The following PRELID2 variants were observed in gnomAD, a reference collection of about 807,000 sequenced individuals.
PRELID2 encodes the protein PRELI domain containing 2.
PRELID2 carries 25 observed loss-of-function variants against 28.4 expected under a neutral mutation model. The ratio of observed to expected loss-of-function variants is 0.88; its 90% CI spans 0.64 to 1.23. The LOEUF (loss-of-function observed/expected upper bound fraction) is 1.23, where lower values mean the gene tolerates loss of function less well. PRELID2 is among the 50% of genes most tolerant of loss of function. The pLI, the probability that PRELID2 is intolerant of heterozygous loss-of-function variation, is 0.00. For synonymous variants in PRELID2, 76 were observed against 71.6 expected, an observed-to-expected ratio of 1.06 and a Z score of -0.31; for missense variants, 201 against 214.4, an observed-to-expected ratio of 0.94 and a Z score of 0.39.
At chr5:145,337,394 A>G in the PRELID2 span, among the ~76,000 whole-genome samples, 1 of 151,706 alleles carries the variant, frequency 6.6e-6, no homozygotes, top group African/African-American at 2.4e-5. Context: ...GTGTCCTGTA[A>G]TAATTCAGTT....
chr5:145,403,934 C>A, the PRELID2 span, among the ~76,000 whole-genome samples: 3 of 152,198 alleles, frequency 2.0e-5, no homozygotes, highest in Non-Finnish European at 2.9e-5. Flanking sequence ...GATCTAGATC[C>A]TTTTTATTAG....
chr5:145,619,442 G>C (rs1753744555), intron 1 of PRELID2, among the ~76,000 whole-genome samples: 1 of 152,206 alleles, frequency 6.6e-6, no homozygotes, highest in South Asian at 2.1e-4. Flanking sequence ...GCTAAGGTCA[G>C]AATCTTCTCC....
chr5:145,347,222 T>C, the PRELID2 span, among the ~76,000 whole-genome samples: 4 of 152,170 alleles, frequency 2.6e-5, no homozygotes, highest in Non-Finnish European at 5.9e-5. Flanking sequence ...GCTAGATCTG[T>C]GTCTATGGCC....
the PRELID2 span, among the ~76,000 whole-genome samples, chr5:145,347,362 G>A: frequency 0.016 from 2,389 of 152,248 alleles, 34 homozygotes; most frequent in Non-Finnish European, 0.025. Flanking sequence ...GCCTCAAGGG[G>A]AATGCATCTT....
the PRELID2 span, among the ~76,000 whole-genome samples, chr5:145,365,155 G>A: frequency 3.3e-5 from 5 of 151,836 alleles, no homozygotes; most frequent in East Asian, 1.9e-4. Context: ...CAAAGGGTAC[G>A]AAATTTCAGT....
At chr5:145,409,750 G>GAAAA in the PRELID2 span, among the ~76,000 whole-genome samples, 4 of 104,980 alleles carry the variant, frequency 3.8e-5, no homozygotes, top group Non-Finnish European at 7.8e-5. Context: ...CATCTCTACT[G>GAAAA]AAAAAAAAAA....
intron 3 of PRELID2, 107 bp from the exon 4 acceptor site, chr5:145,818,161 C>T: frequency 8.8e-7 from 1 of 1,142,116 alleles, no homozygotes; most frequent in South Asian, 1.5e-5. Flanking sequence ...GACAAGTAAT[C>T]CTGATACATG....
intron 1 of PRELID2, among the ~76,000 whole-genome samples, chr5:145,475,002 T>C (rs961952588): frequency 6.6e-6 from 1 of 152,198 alleles, no homozygotes; most frequent in Non-Finnish European, 1.5e-5. Context: ...AAAATAAAGT[T>C]CTTCTGAAAA....
rs117697484 is a variant in PRELID2, at chr5:145,707,229, T to A, written n.70+57702A>T. 1.1e-3 allele frequency among the ~76,000 whole-genome samples: 163 copies of A among 152,264 alleles called. 2 individuals carry two copies. In the East Asian group the frequency reaches 0.029, roughly 27 times the overall value. ...AGCTAAATAATTTGCCCAGGACCCA[T>A]AGCAAGCAAGTTGCAGTGAGTGGCA... On this transcript the variant is annotated intron_variant and non_coding_transcript_variant, in intron 1 of 2. Coordinates refer to the PRELID2 transcript ENST00000510259.
rs907713331 is a variant in PRELID2, at chr5:145,602,822, C to A, written n.71-129507G>T. Among the ~76,000 whole-genome samples, 6 of 151,946 alleles carry A rather than the reference C, an allele frequency of 3.9e-5. No individual in the cohort carries two copies. The East Asian group carries it at 1.2e-3, about 30-fold the overall frequency. ...GAATCAAGCAGGAAGCAACAAAATGCGGGTGAATCACCTGAGGTCAGGAGT... is the reference window on the plus strand; with the variant it reads ...GAATCAAGCAGGAAGCAACAAAATGAGGGTGAATCACCTGAGGTCAGGAGT... On this transcript the variant is annotated intron_variant and non_coding_transcript_variant, in intron 1 of 2. Coordinates refer to the PRELID2 transcript ENST00000510259.
intron 1 of PRELID2, among the ~76,000 whole-genome samples, chr5:145,703,159 AAC>A (rs1755453993): frequency 6.6e-6 from 1 of 152,210 alleles, no homozygotes; most frequent in Non-Finnish European, 1.5e-5. Flanking sequence ...TTACCAAGCA[AAC>A]ACAATCTATT....
At chr5:145,401,891 G>A in the PRELID2 span, among the ~76,000 whole-genome samples, 4 of 152,198 alleles carry the variant, frequency 2.6e-5, no homozygotes, top group East Asian at 1.9e-4. Context: ...TCGCTACTTC[G>A]AACACTATTT....
chr5:145,310,690 C>T, the PRELID2 span, among the ~76,000 whole-genome samples: 3 of 152,108 alleles, frequency 2.0e-5, no homozygotes, highest in African/African-American at 7.2e-5. Context: ...GGTACATATC[C>T]TCTTATTCAT....
intron 1 of PRELID2, among the ~76,000 whole-genome samples, chr5:145,541,821 C>T (rs1340037183): frequency 1.3e-5 from 2 of 151,652 alleles, no homozygotes; most frequent in Non-Finnish European, 2.9e-5. Flanking sequence ...GGGCCATTTC[C>T]ATTTTCCTGT....
At chr5:145,547,894 T>C (rs1304005000) in intron 1 of PRELID2, among the ~76,000 whole-genome samples, 1 of 152,214 alleles carries the variant, frequency 6.6e-6, no homozygotes, top group African/African-American at 2.4e-5. Flanking sequence ...TTCAAGACCC[T>C]GGAAACATTT....
chr5:145,731,597 T>C (rs1756348028), intron 1 of PRELID2, among the ~76,000 whole-genome samples: 1 of 152,222 alleles, frequency 6.6e-6, no homozygotes, highest in Non-Finnish European at 1.5e-5. Flanking sequence ...TGGCAGGTCA[T>C]TTCTCCCTTC....
intron 1 of PRELID2, among the ~76,000 whole-genome samples, chr5:145,582,400 C>A (rs534351492): frequency 1.1e-4 from 17 of 152,046 alleles, no homozygotes; most frequent in African/African-American, 4.1e-4. Flanking sequence ...TTCAAACAAC[C>A]AGATCTCATG....
At chr5:145,656,270 G>A (rs1239575255) in intron 1 of PRELID2, among the ~76,000 whole-genome samples, 1 of 152,200 alleles carries the variant, frequency 6.6e-6, no homozygotes, top group Non-Finnish European at 1.5e-5. Context: ...TGGAGAGGAT[G>A]TGGAGAAATA....
intron 1 of PRELID2, among the ~76,000 whole-genome samples, chr5:145,502,861 C>A (rs527431890): frequency 6.7e-6 from 1 of 150,340 alleles, no homozygotes; most frequent in Non-Finnish European, 1.5e-5. Flanking sequence ...TTTTTTCTGC[C>A]GTGTCTGTAT....
Sources: gnomAD v4.1 joint callset for allele counts (sites outside exome capture counted in the v4.1 genomes callset) on GRCh38, gnomAD v4.1.1 for gene constraint, MANE v1.5 for transcripts, NCBI Gene and HGNC (gene_info 2026-07-23, HGNC 2026-07-21) for gene names.